RGS18: variants seen among roughly 807,000 people sequenced by gnomAD.
RGS18 encodes the protein regulator of G protein signaling 18, also known as regulator of G-protein signaling 18.
RGS18 carries 22 observed loss-of-function variants against 27.6 expected under a neutral mutation model. The observed-to-expected ratio is 0.80, with a 90% CI of 0.57 to 1.14. The LOEUF (loss-of-function observed/expected upper bound fraction) is 1.14. Ranked by LOEUF, RGS18 falls within the 50% of genes most tolerant of loss-of-function variation. The pLI, the probability that RGS18 is intolerant of heterozygous loss-of-function variation, is 0.00. For missense variants in RGS18, 299 were observed against 269.6 expected (o/e 1.11, Z -0.76); for synonymous variants, 89 against 84.6 (o/e 1.05, Z -0.29).
chr1:192,160,311 T>C, intron 2 of RGS18, 67 bp from the exon 3 acceptor site: 1 of 965,812 alleles, frequency 1.0e-6, no homozygotes. Flanking sequence ...AAATAGCATA[T>C]GTTAGAACAG....
chr1:192,174,465 T>C (rs567496720), intron 3 of RGS18, among the ~76,000 whole-genome samples: 1 of 151,962 alleles, frequency 6.6e-6, no homozygotes, highest in East Asian at 1.9e-4. Context: ...AAGTTTTATA[T>C]ATTGTCATTG....
At chr1:192,184,055 G>T (rs1343593990) in intron 4 of RGS18, among the ~76,000 whole-genome samples, 1 of 151,534 alleles carries the variant, frequency 6.6e-6, no homozygotes, top group East Asian at 2.0e-4. Flanking sequence ...GCACTAAGGA[G>T]ATGGTGCTAA....
intron 3 of RGS18, among the ~76,000 whole-genome samples, chr1:192,176,336 G>T (rs1349004350): frequency 2.0e-5 from 3 of 151,632 alleles, no homozygotes; most frequent in Non-Finnish European, 4.4e-5. Flanking sequence ...TCTTATCTCT[G>T]CCTCCTCAAT....
chr1:192,172,807 T>TTGGAGGG, intron 3 of RGS18, among the ~76,000 whole-genome samples: 1 of 150,078 alleles, frequency 6.7e-6, no homozygotes. Flanking sequence ...ATGAACACCT[T>TTGGAGGG]TGGAGGGTTA....
At chr1:192,159,871 T>C (rs1438302702) in intron 2 of RGS18, among the ~76,000 whole-genome samples, 1 of 152,114 alleles carries the variant, frequency 6.6e-6, no homozygotes, top group Non-Finnish European at 1.5e-5. Flanking sequence ...TAGAATATTT[T>C]TTCTATTAAA....
rs910451101 is a variant in RGS18, at chr1:192,185,102, C to T, written c.*548C>T. The T allele has an allele frequency of 2.6e-5, 4 of 152,638 alleles. No individual in the cohort carries two copies. Among genetic ancestry groups the T allele is most frequent in the African/African-American group, 9.7e-5 (4 of 41,310 alleles). The allele number at this position is 152,638 out of a possible 1,614,324, so 9.5% of individuals were successfully genotyped here. On this transcript the variant is annotated 3_prime_UTR_variant, in exon 5 of 5. Coordinates refer to ENST00000367460, the MANE Select transcript of RGS18 (RefSeq NM_130782.3). ...CCTGTCCCAAGAATAGTAATATCAC[C>T]TCTAGTTATAAGCCAGCAACAGGAA...
chr1:192,181,648 A>G (rs1203329675), intron 4 of RGS18, among the ~76,000 whole-genome samples, 190 bp downstream of exon 4: 1 of 151,672 alleles, frequency 6.6e-6, no homozygotes, highest in Non-Finnish European at 1.5e-5. Context: ...TATAATGATA[A>G]AATCAGAGTT....
chr1:192,179,428 C>T (rs1369720354), intron 3 of RGS18, among the ~76,000 whole-genome samples: 1 of 151,498 alleles, frequency 6.6e-6, no homozygotes, highest in South Asian at 2.1e-4. Flanking sequence ...CTACCATACA[C>T]CCAAGCAATT....
intron 3 of RGS18, among the ~76,000 whole-genome samples, chr1:192,167,529 C>T (rs535166370): frequency 6.6e-6 from 1 of 152,164 alleles, no homozygotes; most frequent in African/African-American, 2.4e-5. Flanking sequence ...AAGCGATTCT[C>T]CTGCCTCAGC....
chr1:192,175,301 C>G (rs1388974928), intron 3 of RGS18, among the ~76,000 whole-genome samples: 1 of 128,748 alleles, frequency 7.8e-6, no homozygotes, highest in Non-Finnish European at 1.6e-5. Context: ...GATAATAAGT[C>G]ATGAAAATTT....
At chr1:192,171,513 G>T (rs968433263) in intron 3 of RGS18, among the ~76,000 whole-genome samples, 5 of 151,876 alleles carry the variant, frequency 3.3e-5, no homozygotes, top group African/African-American at 7.3e-5. Flanking sequence ...GCTAACATCC[G>T]TTGCTCATGG....
Position 192,185,686 on chromosome 1 carries a change from G to A in RGS18, c.*1132G>A, listed in dbSNP as rs1656537034. On this transcript the variant is annotated 3_prime_UTR_variant, in exon 5 of 5. Coordinates refer to ENST00000367460, the MANE Select transcript of RGS18 (RefSeq NM_130782.3). ...AAATATTTGTATTTAAAAATGCCAT[G>A]CATTAGGCTTTGGAAATTTAATGTT... The A allele has an allele frequency of 1.3e-5, 2 of 151,556 alleles. No homozygotes were observed. The highest frequency in any genetic ancestry group is 4.1e-4 in the South Asian group (2 of 4,828). 9.4% of individuals were successfully genotyped at this position (151,556 alleles called of 1,614,324 possible).
At chr1:192,171,783 CA>C (rs1291517376) in intron 3 of RGS18, among the ~76,000 whole-genome samples, 1 of 151,850 alleles carries the variant, frequency 6.6e-6, no homozygotes, top group Non-Finnish European at 1.5e-5. Context: ...CACTTCATGA[CA>C]AAGAGGATAA....
chr1:192,160,741 T>C (rs1465481540), intron 3 of RGS18: 1 of 321,702 alleles, frequency 3.1e-6, no homozygotes, highest in Non-Finnish European at 5.7e-6. Context: ...ATCAAATTCA[T>C]GATTAACGAA....
intron 3 of RGS18, among the ~76,000 whole-genome samples, chr1:192,172,896 T>TAC (rs1656289527): frequency 6.9e-6 from 1 of 145,088 alleles, no homozygotes; most frequent in Non-Finnish European, 1.5e-5. Context: ...TATATATATA[T>TAC]ACACATATGT....
chr1:192,178,841 A>G (rs1429022751), intron 3 of RGS18, among the ~76,000 whole-genome samples: 3 of 151,640 alleles, frequency 2.0e-5, no homozygotes, highest in East Asian at 3.9e-4. Flanking sequence ...TTTTAATGAT[A>G]TCAACATGTA....
chr1:192,159,196 G>T (rs1295728909), intron 1 of RGS18, 24 bp from the exon 2 acceptor site: 1 of 1,527,138 alleles, frequency 6.5e-7, no homozygotes, highest in Non-Finnish European at 9.1e-7. Context: ...AAATTGTCCT[G>T]ACATGAAGGC....
chr1:192,174,394 GA>G (rs1656321210), intron 3 of RGS18, among the ~76,000 whole-genome samples: 1 of 151,748 alleles, frequency 6.6e-6, no homozygotes, highest in African/African-American at 2.4e-5. Flanking sequence ...CTGTGCATTT[GA>G]AAAGATGTGT....
At chr1:192,160,898 G>T (rs758826400) in intron 3 of RGS18, among the ~76,000 whole-genome samples, 62 of 152,312 alleles carry the variant, frequency 4.1e-4, no homozygotes, top group Non-Finnish European at 7.2e-4. Context: ...TGTCGCCCAG[G>T]CTGGAGTGCA....
Sources: gnomAD v4.1 joint callset for allele counts (sites outside exome capture counted in the v4.1 genomes callset) on GRCh38, gnomAD v4.1.1 for gene constraint, MANE v1.5 for transcripts, NCBI Gene and HGNC (gene_info 2026-07-23, HGNC 2026-07-21) for gene names.